Variants in GDPD4 observed in about 807,000 individuals in gnomAD.
The protein encoded by GDPD4 is glycerophosphodiester phosphodiesterase domain containing 4.
In GDPD4, 60 loss-of-function variants were observed where a neutral mutation model predicts 67.8. The ratio of observed to expected loss-of-function variants is 0.88; its 90% CI spans 0.72 to 1.10. GDPD4 has a LOEUF of 1.10. GDPD4 is among the 50% of genes least tolerant of loss of function. The pLI is 0.00. For missense variants in GDPD4, 623 were observed against 613.9 expected, an observed-to-expected ratio of 1.01 and a Z score of -0.16; for synonymous variants, 212 against 210.9, an observed-to-expected ratio of 1.00 and a Z score of -0.04.
intron 11 of GDPD4, among the ~76,000 whole-genome samples, chr11:77,248,762 C>G (rs1240316422): frequency 6.6e-6 from 1 of 151,274 alleles, no homozygotes; most frequent in Non-Finnish European, 1.5e-5. Context: ...GTTCTTGTTG[C>G]CCAGGCTGGA....
chr11:77,245,231 A>T (rs1447176411), intron 12 of GDPD4, 50 bp downstream of exon 12: 1 of 1,409,026 alleles, frequency 7.1e-7, no homozygotes, highest in Admixed American at 1.7e-5. Flanking sequence ...TGCTCCTAGG[A>T]CATGCTACCC....
chr11:77,239,047 A>C (rs1405098171), intron 13 of GDPD4, among the ~76,000 whole-genome samples: 2 of 152,244 alleles, frequency 1.3e-5, no homozygotes, highest in Non-Finnish European at 2.9e-5. Context: ...ATCATATGCA[A>C]ATCAATAAAT....
At chr11:77,258,296 TCTTCATCTATGG>T in intron 11 of GDPD4, 78 bp downstream of exon 11, 1 of 1,227,550 alleles carries the variant, frequency 8.1e-7, no homozygotes, top group Non-Finnish European at 1.2e-6. Flanking sequence ...TACTTGCCTA[TCTTCATCTATGG>T]CCTTTATTTT....
chr11:77,217,063 G>A lies in GDPD4; in HGVS notation c.*214C>T, dbSNP rs1244378190. On this transcript the variant is annotated 3_prime_UTR_variant, in exon 17 of 17. Coordinates refer to ENST00000315938, the MANE Select transcript of GDPD4 (RefSeq NM_182833.3). ...GTGCTTGGGTGAGTTCAAAGACCAC[G>A]GTGGGCATCGGTGGTTGAATCTCAT... 2.0e-5 allele frequency: 14 copies of A among 704,448 alleles called. No individual in the cohort carries two copies. The highest frequency in any genetic ancestry group is 1.3e-4 in the South Asian group (9 of 67,620). The allele number at this position is 704,448 out of a possible 1,614,324, so 43.6% of individuals were successfully genotyped here. A position where few individuals can be genotyped will look rare whatever the true frequency, so the allele number is the denominator to read the frequency against.
At chr11:77,256,846 C>A (rs889614231) in intron 11 of GDPD4, among the ~76,000 whole-genome samples, 7 of 152,216 alleles carry the variant, frequency 4.6e-5, no homozygotes, top group African/African-American at 1.7e-4. Context: ...CGAGCAGATG[C>A]TGGTATCATG....
At chr11:77,236,313 C>T (rs1958567533) in intron 13 of GDPD4, among the ~76,000 whole-genome samples, 1 of 151,974 alleles carries the variant, frequency 6.6e-6, no homozygotes. Flanking sequence ...AGGTATATCT[C>T]CTAATGCTAT....
chr11:77,245,252 C>T (rs1196830826), intron 12 of GDPD4, 29 bp downstream of exon 12: 1 of 1,574,766 alleles, frequency 6.4e-7, no homozygotes, highest in African/African-American at 1.3e-5. Flanking sequence ...ACCTCCCAAC[C>T]TATGTCATAA....
chr11:77,227,172 C>T (rs1021878604), intron 16 of GDPD4, among the ~76,000 whole-genome samples: 1 of 152,224 alleles, frequency 6.6e-6, no homozygotes, highest in African/African-American at 2.4e-5. Context: ...GAAACTCTAG[C>T]ATCCCTTCCC....
chr11:77,265,562 T>A (rs2135866479), intron 10 of GDPD4, among the ~76,000 whole-genome samples: 1 of 152,264 alleles, frequency 6.6e-6, no homozygotes, highest in Admixed American at 6.5e-5. Flanking sequence ...CCCCTAATAG[T>A]AACATCTTGC....
At chr11:77,284,234 T>C (rs2135887298) in intron 3 of GDPD4, among the ~76,000 whole-genome samples, 1 of 152,316 alleles carries the variant, frequency 6.6e-6, no homozygotes, top group African/African-American at 2.4e-5. Flanking sequence ...TTTTAAACCA[T>C]TTTAAATGAT....
rs1167383424 is a variant in GDPD4, at chr11:77,258,444, A to G, written c.806T>C (p.Phe269Ser). The change falls in exon 11 of 17, where the codon TTC becomes TCC. Residue 269 changes from phenylalanine (F) to serine (S), a missense_variant. Transcript: ENST00000315938. ...AGTCGATAGGAAATCCCAGTTGAAG[A>G]AGGCAGGGTTCTCGCAGGCAGATTC... ...QPESACENPA[F>S]FNWDFLSTLN... is the part of the protein sequence containing the mutation. 2.5e-6 allele frequency: 4 copies of G among 1,613,992 alleles called. No individual in the cohort carries two copies. In the Admixed American group the frequency reaches 5.0e-5, roughly 20 times the overall value.
chr11:77,222,497 C>T (rs929553033), intron 16 of GDPD4, among the ~76,000 whole-genome samples: 1 of 152,118 alleles, frequency 6.6e-6, no homozygotes, highest in Non-Finnish European at 1.5e-5. Context: ...CTTAGTTTGG[C>T]TGGATATGAA....
chr11:77,300,599 A>G (rs1295511851), intron 1 of GDPD4, among the ~76,000 whole-genome samples: 2 of 151,826 alleles, frequency 1.3e-5, no homozygotes, highest in African/African-American at 4.8e-5. Context: ...AAGTTGATTA[A>G]CTAGTCTTAA....
intron 16 of GDPD4, chr11:77,224,277 A>G (rs11237131): frequency 0.25 from 38,805 of 152,418 alleles, 6,059 homozygotes; most frequent in South Asian, 0.44. Flanking sequence ...TTCTGCGTCA[A>G]TCACGCTGGG....
intron 3 of GDPD4, among the ~76,000 whole-genome samples, chr11:77,282,714 A>AC (rs1565542008): frequency 6.6e-6 from 1 of 152,072 alleles, no homozygotes; most frequent in African/African-American, 2.4e-5. Flanking sequence ...ACAACAAAAA[A>AC]AAAAACACAG....
intron 13 of GDPD4, among the ~76,000 whole-genome samples, chr11:77,233,446 G>GAAAAAAAAAAAAAAAAA (rs34507126): frequency 2.0e-5 from 2 of 100,396 alleles, no homozygotes; most frequent in Non-Finnish European, 1.9e-5. Context: ...AAAACATATT[G>GAAAAAAAAAAAAAAAAA]AAAAAAAAAA....
chr11:77,236,801 T>C (rs538636882), intron 13 of GDPD4, among the ~76,000 whole-genome samples: 1 of 152,062 alleles, frequency 6.6e-6, no homozygotes, highest in African/African-American at 2.4e-5. Context: ...TGGGTATATA[T>C]TGGTAACTGA....
At position 77,258,394 on chromosome 11, in the gene GDPD4, T is replaced by C. The variant is rs775692591; in HGVS notation, c.856A>G (p.Lys286Glu). Residue 286 changes from lysine (K) to glutamate (E), a missense_variant, in exon 11 of 17, where the codon AAA becomes GAA. Physicochemically the swap from Lys to Glu is moderately conservative, Grantham distance 56 (BLOSUM62 1). Coordinates refer to ENST00000315938, the MANE Select transcript of GDPD4 (RefSeq NM_182833.3). ...TTGGGAATGTGTCTTACCTCTGGTT[T>C]TACAAACCATTTGCCTGCATTCAGA... ...STLNAGKWFV[K>E]PELRPFYNMK... The C allele has an allele frequency of 6.2e-7, 1 of 1,614,126 alleles. No homozygotes were observed. The highest frequency in any genetic ancestry group is 8.5e-7 in the Non-Finnish European group (1 of 1,179,974).
intron 5 of GDPD4, among the ~76,000 whole-genome samples, chr11:77,271,637 G>A (rs1339266018): frequency 2.0e-5 from 3 of 152,160 alleles, no homozygotes; most frequent in Non-Finnish European, 2.9e-5. Context: ...AAATTACACA[G>A]CTAATTTACC....
Sources: allele counts gnomAD v4.1 joint callset (sites outside exome capture counted in the v4.1 genomes callset), GRCh38; gene constraint gnomAD v4.1.1; transcripts MANE v1.5; gene names NCBI Gene and HGNC (gene_info 2026-07-23, HGNC 2026-07-21).